The following PIGL variants were observed in gnomAD, a reference collection of about 807,000 sequenced individuals.
PIGL encodes the protein N-acetylglucosaminyl-phosphatidylinositol de-N-acetylase.
A neutral mutation model predicts 31.1 loss-of-function variants in PIGL; 22 were observed. The ratio of observed to expected loss-of-function variants is 0.71; its 90% CI spans 0.51 to 1.01. PIGL has a LOEUF of 1.01. Among genes scored for constraint, PIGL ranks in the 50% least tolerant of loss-of-function variants. PIGL has a pLI of 0.00. For missense variants in PIGL, 302 were observed against 315.9 expected, an observed-to-expected ratio of 0.96 and a Z score of 0.33; for synonymous variants, 131 against 117.4, an observed-to-expected ratio of 1.12 and a Z score of -0.75.
At chr17:16,317,411 T>C (rs1600864293) in intron 5 of PIGL, 4 of 1,002,554 alleles carry the variant, frequency 4.0e-6, no homozygotes, top group African/African-American at 3.4e-5. Context: ...CTTTGCCAAG[T>C]CTGTCAATTC....
At chr17:16,293,817 A>T (rs1161197690) in intron 2 of PIGL, among the ~76,000 whole-genome samples, 1 of 152,268 alleles carries the variant, frequency 6.6e-6, no homozygotes, top group East Asian at 1.9e-4. Flanking sequence ...CTAAAGAGAC[A>T]CACAAAACAA....
intron 4 of PIGL, 44 bp from the exon 5 acceptor site, chr17:16,316,637 A>G (rs1204205777): frequency 1.3e-6 from 2 of 1,553,920 alleles, no homozygotes; most frequent in Admixed American, 3.4e-5. Context: ...CCTACAAAGG[A>G]AATGATCCTT....
At position 16,312,141 on chromosome 17, in the gene PIGL, AG is replaced by A. The variant is rs2093054243; in HGVS notation, c.427-1405del. Among the ~76,000 whole-genome samples, 9 of 142,936 alleles carry A rather than the reference AG, an allele frequency of 6.3e-5. 1 individual carries two copies. The South Asian group carries it at 1.9e-3, about 31-fold the overall frequency. The allele number at this position is 142,936 out of a possible 152,430, so 93.8% of individuals were successfully genotyped here. A position where few individuals can be genotyped will look rare whatever the true frequency, so the allele number is the denominator to read the frequency against. ...GGCTGGCCGGGCGGGGGCTGCCCGCAGCCCCCCACCTCCCTCCCGGACGGGG... is the reference window on the plus strand; with the variant it reads ...GGCTGGCCGGGCGGGGGCTGCCCGCACCCCCCACCTCCCTCCCGGACGGGG... On this transcript the variant is annotated intron_variant, in intron 3 of 6. Transcript: ENST00000225609.
intron 3 of PIGL, among the ~76,000 whole-genome samples, chr17:16,302,839 C>A (rs866747717): frequency 6.6e-6 from 1 of 152,114 alleles, no homozygotes; most frequent in Non-Finnish European, 1.5e-5. Flanking sequence ...CCTCGTGATC[C>A]GCCTTCCCCG....
At chr17:16,266,741 G>A (rs1009685474) in intron 2 of PIGL, among the ~76,000 whole-genome samples, 3 of 151,978 alleles carry the variant, frequency 2.0e-5, no homozygotes, top group Admixed American at 6.6e-5. Context: ...GAATACAGGC[G>A]CCCGCCACCA....
At chr17:16,244,367 G>A (rs2092735484) in intron 2 of PIGL, among the ~76,000 whole-genome samples, 1 of 152,212 alleles carries the variant, frequency 6.6e-6, no homozygotes, top group Admixed American at 6.5e-5. Flanking sequence ...GAGGTTAGAA[G>A]CAAGATGGAG....
chr17:16,239,415 G>A lies in PIGL; in HGVS notation c.335+5345G>A, dbSNP rs552565919. 3.3e-5 allele frequency among the ~76,000 whole-genome samples: 5 copies of A among 151,682 alleles called. No individual in the cohort carries two copies. In the East Asian group the frequency reaches 9.8e-4, roughly 30 times the overall value. ...GGAGAATCGCTTGAACCCAGGAGGC[G>A]GAGGTTGCAGTGAGCTGAGATCGCA... On this transcript the variant is annotated intron_variant, in intron 2 of 6. Transcript: ENST00000225609.
intron 2 of PIGL, among the ~76,000 whole-genome samples, chr17:16,258,361 G>A (rs1248814063): frequency 2.0e-5 from 3 of 151,154 alleles, no homozygotes; most frequent in Non-Finnish European, 4.4e-5. Flanking sequence ...TGTATTTTTA[G>A]TAGAGACGGC....
intron 1 of PIGL, among the ~76,000 whole-genome samples, chr17:16,224,594 A>T (rs975401239): frequency 6.7e-6 from 1 of 149,538 alleles, no homozygotes; most frequent in Non-Finnish European, 1.5e-5. Context: ...AGGATGAGCC[A>T]CCATGCCCAG....
chr17:16,231,807 A>G lies in PIGL; in HGVS notation c.236-2164A>G, dbSNP rs79489584. Among the ~76,000 whole-genome samples, 89 of 152,296 alleles carry G rather than the reference A, an allele frequency of 5.8e-4. 1 individual carries two copies. The East Asian group carries it at 0.017, about 28-fold the overall frequency. ...AGTTCTACATCTAGAAATTACATTA[A>G]TTTTATTATTTTCTGTTTCCTAGAA... On this transcript the variant is annotated intron_variant, in intron 1 of 6. Transcript: ENST00000225609.
At chr17:16,261,821 C>T (rs888425248) in intron 2 of PIGL, among the ~76,000 whole-genome samples, 5 of 151,912 alleles carry the variant, frequency 3.3e-5, no homozygotes, top group African/African-American at 1.2e-4. Context: ...CCAGGCTGGT[C>T]TCGACCTCTG....
At chr17:16,233,514 C>G (rs1242724827) in intron 1 of PIGL, among the ~76,000 whole-genome samples, 1 of 151,988 alleles carries the variant, frequency 6.6e-6, no homozygotes, top group Non-Finnish European at 1.5e-5. Flanking sequence ...GAGTAGCAAC[C>G]TCTATTTTCT....
At chr17:16,274,384 T>C (rs929912062) in intron 2 of PIGL, among the ~76,000 whole-genome samples, 9 of 152,138 alleles carry the variant, frequency 5.9e-5, no homozygotes, top group African/African-American at 2.2e-4. Flanking sequence ...ACTTTGTTTG[T>C]TTGTTTATTT....
At chr17:16,257,755 T>C (rs2092800389) in intron 2 of PIGL, among the ~76,000 whole-genome samples, 1 of 151,766 alleles carries the variant, frequency 6.6e-6, no homozygotes, top group South Asian at 2.1e-4. Flanking sequence ...AAAATGTCAC[T>C]AGTCCTTTAA....
chr17:16,269,003 C>CTG (rs1332888794), intron 2 of PIGL, among the ~76,000 whole-genome samples: 1 of 152,194 alleles, frequency 6.6e-6, no homozygotes, highest in Non-Finnish European at 1.5e-5. Flanking sequence ...ACCTAATGAT[C>CTG]TGCCCGCCTC....
intron 1 of PIGL, among the ~76,000 whole-genome samples, chr17:16,226,363 A>G (rs1024829625): frequency 1.3e-5 from 2 of 152,274 alleles, no homozygotes; most frequent in South Asian, 2.1e-4. Context: ...CACATATGGT[A>G]TATCCATGTG....
chr17:16,309,664 G>A (rs1373123169), intron 3 of PIGL, among the ~76,000 whole-genome samples: 1 of 152,026 alleles, frequency 6.6e-6, no homozygotes, highest in Non-Finnish European at 1.5e-5. Flanking sequence ...GGAAGGCGGA[G>A]GCAGGAGAAT....
At chr17:16,241,541 T>C (rs1206331628) in intron 2 of PIGL, among the ~76,000 whole-genome samples, 1 of 151,150 alleles carries the variant, frequency 6.6e-6, no homozygotes, top group Non-Finnish European at 1.5e-5. Context: ...CACTCCAGAA[T>C]GGGCAACAAG....
chr17:16,252,761 G>A (rs2092778186), intron 2 of PIGL, among the ~76,000 whole-genome samples: 1 of 152,082 alleles, frequency 6.6e-6, no homozygotes, highest in Non-Finnish European at 1.5e-5. Context: ...ATAGAACAGA[G>A]TTCCTTTAAA....
Sources: allele counts gnomAD v4.1 joint callset (sites outside exome capture counted in the v4.1 genomes callset), GRCh38; gene constraint gnomAD v4.1.1; transcripts MANE v1.5; gene names NCBI Gene and HGNC (gene_info 2026-07-23, HGNC 2026-07-21).